The following PGGT1B variants were observed in gnomAD, a reference collection of about 807,000 sequenced individuals.
PGGT1B encodes the protein geranylgeranyl transferase type-1 subunit beta.
Under a neutral mutation model 46.1 loss-of-function variants are expected in PGGT1B, and 30 were observed. That is an observed-to-expected ratio of 0.65 (90% CI 0.49 to 0.88). The LOEUF is 0.88. PGGT1B is among the 40% of genes least tolerant of loss of function. PGGT1B has a pLI of 0.00. For missense variants in PGGT1B, 376 were observed against 455.9 expected (o/e 0.82, Z 1.60); for synonymous variants, 170 against 160.0 (o/e 1.06, Z -0.47).
intron 1 of PGGT1B, among the ~76,000 whole-genome samples, chr5:115,261,145 C>A (rs1053168362): frequency 2.0e-5 from 3 of 152,162 alleles, no homozygotes; most frequent in Non-Finnish European, 4.4e-5. Context: ...TAAAATTAAT[C>A]CCTATTAAGA....
intron 1 of PGGT1B, among the ~76,000 whole-genome samples, chr5:115,261,300 A>G (rs1317919366): frequency 1.3e-5 from 2 of 152,022 alleles, no homozygotes; most frequent in East Asian, 1.9e-4. Flanking sequence ...TAAACGTTTC[A>G]CTCTTTCTTT....
At chr5:115,220,350 A>C (rs1756550018) in intron 7 of PGGT1B, among the ~76,000 whole-genome samples, 1 of 151,922 alleles carries the variant, frequency 6.6e-6, no homozygotes, top group South Asian at 2.1e-4. Flanking sequence ...AGCCAGAAAC[A>C]GAAGGACAAA....
Position 115,260,468 on chromosome 5 carries a change from G to C in PGGT1B, c.140+2244C>G, listed in dbSNP as rs558495552. ...GCCCAATGTACTGTTTTGTCTTAAAGATCAGCAGAAACTTTGTGACCGGTC... is the reference window on the plus strand; with the variant it reads ...GCCCAATGTACTGTTTTGTCTTAAACATCAGCAGAAACTTTGTGACCGGTC... On this transcript the variant is annotated intron_variant, in intron 1 of 8. Coordinates refer to ENST00000419445, the MANE Select transcript of PGGT1B (RefSeq NM_005023.4). Among the ~76,000 whole-genome samples the C allele has an allele frequency of 2.6e-5, 4 of 152,224 alleles. 1 individual carries two copies. The South Asian group carries it at 8.3e-4, about 32-fold the overall frequency.
At chr5:115,241,450 T>C (rs774826918) in intron 3 of PGGT1B, 89 bp downstream of exon 3, 23 of 667,302 alleles carry the variant, frequency 3.4e-5, no homozygotes, top group African/African-American at 2.5e-4. Context: ...TCTGGAAGCC[T>C]GTTTTTTTCT....
intron 5 of PGGT1B, among the ~76,000 whole-genome samples, chr5:115,234,985 C>T (rs764323539): frequency 1.3e-5 from 2 of 152,000 alleles, no homozygotes; most frequent in African/African-American, 4.8e-5. Flanking sequence ...TACCCAGATT[C>T]TAGTTTCTAA....
At chr5:115,236,202 T>C (rs1757177198) in intron 5 of PGGT1B, among the ~76,000 whole-genome samples, 188 bp downstream of exon 5, 1 of 152,172 alleles carries the variant, frequency 6.6e-6, no homozygotes, top group Non-Finnish European at 1.5e-5. Flanking sequence ...TAAATTTTAA[T>C]GGCCAAGGAG....
intron 2 of PGGT1B, among the ~76,000 whole-genome samples, chr5:115,250,169 T>C (rs1748028467): frequency 6.6e-6 from 1 of 152,184 alleles, no homozygotes; most frequent in Non-Finnish European, 1.5e-5. Context: ...AATCCCCAGG[T>C]TTTGTTTAAC....
chr5:115,228,761 T>C (rs1023584434), intron 6 of PGGT1B, among the ~76,000 whole-genome samples: 1 of 152,010 alleles, frequency 6.6e-6, no homozygotes, highest in Non-Finnish European at 1.5e-5. Context: ...CATGAGGAAG[T>C]AGGACAAGTG....
chr5:115,216,932 T>C lies in PGGT1B; in HGVS notation c.885A>G (p.Arg295=). Reference sequence around the variant, plus strand: ...GATCTTGAGTTGATAAGATGTAATTTCTATTTTTCTCAAAGTTAGTGTATT... The same window carrying C: ...GATCTTGAGTTGATAAGATGTAATTCCTATTTTTCTCAAAGTTAGTGTATT... ...IFQYTNFEKN[R]NYILSTQDRL... Residue 295 remains arginine, a synonymous_variant, in exon 8 of 9, where the codon AGA becomes AGG. Transcript: ENST00000419445. 6.3e-7 allele frequency: 1 copy of C among 1,591,138 alleles called. No individual in the cohort carries two copies. Among genetic ancestry groups the C allele is most frequent in the Non-Finnish European group, 8.6e-7 (1 of 1,161,316 alleles).
intron 6 of PGGT1B, 60 bp from the exon 7 acceptor site, chr5:115,222,068 C>A: frequency 1.0e-6 from 1 of 984,370 alleles, no homozygotes. Context: ...GAAAATAGTA[C>A]AAAATGTTCA....
chr5:115,241,603 G>T lies in PGGT1B; in HGVS notation c.263C>A (p.Ser88Ter). Residue 88 changes from serine to a stop codon, truncating the protein, a stop_gained, in exon 3 of 9, where the codon TCA becomes TAA. Transcript: ENST00000419445. LOFTEE classifies it high-confidence loss of function. ...TCGGAAACCACAGCGATTTAGATTT[G>T]ATCCTAGAAAATAAAAGCATGTGCT... ...SLQVLPTEDR[S>*]NLNRCGFRGS... 1 of 1,605,152 alleles carries T rather than the reference G, an allele frequency of 6.2e-7. No homozygotes were observed. Among genetic ancestry groups the T allele is most frequent in the Non-Finnish European group, 8.5e-7 (1 of 1,174,838 alleles).
intron 7 of PGGT1B, among the ~76,000 whole-genome samples, 180 bp from the exon 8 acceptor site, chr5:115,217,153 C>A (rs903305417): frequency 5.3e-5 from 8 of 152,066 alleles, no homozygotes; most frequent in Non-Finnish European, 5.9e-5. Context: ...ATTTTCTTAT[C>A]AAATCTACTC....
At chr5:115,240,141 C>T (rs1242421983) in intron 3 of PGGT1B, among the ~76,000 whole-genome samples, 1 of 152,018 alleles carries the variant, frequency 6.6e-6, no homozygotes, top group African/African-American at 2.4e-5. Flanking sequence ...GAAGGTAATA[C>T]AGCATGAAGT....
intron 3 of PGGT1B, among the ~76,000 whole-genome samples, chr5:115,239,592 G>C (rs1757289138): frequency 6.6e-6 from 1 of 152,296 alleles, no homozygotes; most frequent in East Asian, 1.9e-4. Flanking sequence ...AACCTTAAGA[G>C]CAGAAGATAA....
chr5:115,258,423 T>C (rs58955791), intron 1 of PGGT1B, among the ~76,000 whole-genome samples: 2,038 of 152,308 alleles, frequency 0.013, 45 homozygotes, highest in African/African-American at 0.046. Flanking sequence ...TATATGACTA[T>C]ATATATGACT....
intron 6 of PGGT1B, among the ~76,000 whole-genome samples, chr5:115,225,604 G>A (rs1756750512): frequency 1.3e-5 from 2 of 151,748 alleles, no homozygotes; most frequent in Non-Finnish European, 2.9e-5. Flanking sequence ...ACATAAATAA[G>A]TACATCATTT....
At position 115,238,478 on chromosome 5, in the gene PGGT1B, T is replaced by C. The variant is rs144827744; in HGVS notation, c.328-469A>G. On this transcript the variant is annotated intron_variant, in intron 3 of 8. Coordinates refer to ENST00000419445, the MANE Select transcript of PGGT1B (RefSeq NM_005023.4). ...CAAACCACCATGCCTGGCTAAATTA[T>C]TTAAACCTCAAACTTAATCACGCTA... Among the ~76,000 whole-genome samples, 1,129 of 151,806 alleles carry C rather than the reference T, an allele frequency of 7.4e-3. 8 individuals carry two copies. Among genetic ancestry groups the C allele is most frequent in the Non-Finnish European group, 0.011 (766 of 67,896 alleles).
intron 2 of PGGT1B, among the ~76,000 whole-genome samples, 188 bp from the exon 3 acceptor site, chr5:115,241,794 C>T (rs1757353117): frequency 2.6e-5 from 4 of 152,148 alleles, no homozygotes; most frequent in Admixed American, 2.6e-4. Context: ...ATTTAATTTC[C>T]ATATGAGTCA....
chr5:115,244,141 A>G (rs1198371291), intron 2 of PGGT1B, among the ~76,000 whole-genome samples: 1 of 152,126 alleles, frequency 6.6e-6, no homozygotes, highest in African/African-American at 2.4e-5. Flanking sequence ...TTAACAGGGA[A>G]CAGAAATCCT....
Sources: allele counts gnomAD v4.1 joint callset (sites outside exome capture counted in the v4.1 genomes callset), GRCh38; gene constraint gnomAD v4.1.1; transcripts MANE v1.5; gene names NCBI Gene and HGNC (gene_info 2026-07-23, HGNC 2026-07-21).